ATXN7L1: variants seen among roughly 807,000 people sequenced by gnomAD.
The protein encoded by ATXN7L1 is ataxin-7-like protein 1.
In ATXN7L1, 15 loss-of-function variants were observed where a neutral mutation model predicts 70.8. The observed-to-expected ratio is 0.21, with a 90% CI of 0.14 to 0.33. The LOEUF (loss-of-function observed/expected upper bound fraction) is 0.33. Among genes scored for constraint, ATXN7L1 ranks in the 10% least tolerant of loss-of-function variants. ATXN7L1 has a pLI of 1.00. For missense variants in ATXN7L1, 975 were observed against 1,097.1 expected (o/e 0.89, Z 1.57); for synonymous variants, 440 against 445.1 (o/e 0.99, Z 0.14).
intron 4 of ATXN7L1, among the ~76,000 whole-genome samples, chr7:105,655,623 A>G (rs1584542249): frequency 6.6e-6 from 1 of 152,198 alleles, no homozygotes; most frequent in East Asian, 1.9e-4. Context: ...TCAGGGAGCC[A>G]TCAATCCTGA....
chr7:105,769,406 C>T (rs977999787), intron 3 of ATXN7L1, among the ~76,000 whole-genome samples: 2 of 152,148 alleles, frequency 1.3e-5, no homozygotes, highest in Admixed American at 6.5e-5. Flanking sequence ...TGTCTCTACT[C>T]GTGTTCGTGC....
chr7:105,640,235 G>A (rs1431513105), intron 5 of ATXN7L1, among the ~76,000 whole-genome samples: 1 of 152,218 alleles, frequency 6.6e-6, no homozygotes, highest in Non-Finnish European at 1.5e-5. Flanking sequence ...TGAACTTGAA[G>A]GTGCAGAGAG....
At chr7:105,648,943 C>CCTGGGAGGGGGTGGTGAGTT (rs1313575605) in intron 4 of ATXN7L1, among the ~76,000 whole-genome samples, 2 of 139,534 alleles carry the variant, frequency 1.4e-5, no homozygotes, top group Non-Finnish European at 2.9e-5. Context: ...GGTGGTGAGA[C>CCTGGGAGGGGGTGGTGAGTT]CTGGGAGGGG....
At chr7:105,716,172 A>G (rs1794520861) in intron 3 of ATXN7L1, among the ~76,000 whole-genome samples, 1 of 152,052 alleles carries the variant, frequency 6.6e-6, no homozygotes, top group African/African-American at 2.4e-5. Flanking sequence ...TTTAAGGGAT[A>G]TTTTTCCAAA....
At chr7:105,706,718 G>C (rs938841306) in intron 3 of ATXN7L1, among the ~76,000 whole-genome samples, 2 of 152,222 alleles carry the variant, frequency 1.3e-5, no homozygotes, top group African/African-American at 4.8e-5. Context: ...CAACTCTGTG[G>C]CTTCTAGGTC....
At chr7:105,836,065 C>T (rs957546796) in intron 2 of ATXN7L1, among the ~76,000 whole-genome samples, 10 of 152,162 alleles carry the variant, frequency 6.6e-5, no homozygotes, top group Admixed American at 1.3e-4. Flanking sequence ...GCAGCTGGCA[C>T]GCGCTGCATC....
chr7:105,858,649 G>A (rs1816090833), intron 2 of ATXN7L1, among the ~76,000 whole-genome samples: 1 of 152,098 alleles, frequency 6.6e-6, no homozygotes, highest in African/African-American at 2.4e-5. Flanking sequence ...CTAATAATAG[G>A]GCACCCTGAT....
At chr7:105,744,048 C>T (rs1296067973) in intron 3 of ATXN7L1, among the ~76,000 whole-genome samples, 6 of 152,120 alleles carry the variant, frequency 3.9e-5, no homozygotes, top group Non-Finnish European at 8.8e-5. Context: ...GGTTCAATGC[C>T]CAGTTCTCTC....
At chr7:105,815,099 T>A (rs1808996252) in intron 2 of ATXN7L1, among the ~76,000 whole-genome samples, 5 of 152,218 alleles carry the variant, frequency 3.3e-5, no homozygotes, top group Admixed American at 3.3e-4. Flanking sequence ...AGGGAAAAGA[T>A]GTGAAATCAC....
chr7:105,792,497 G>A (rs1041194473), intron 2 of ATXN7L1, among the ~76,000 whole-genome samples: 1 of 152,158 alleles, frequency 6.6e-6, no homozygotes, highest in Non-Finnish European at 1.5e-5. Flanking sequence ...AGCAGGGAGG[G>A]AGGGCAGGGA....
rs916864672 is a variant in ATXN7L1, at chr7:105,643,860, C to T, written c.579-739G>A. Among the ~76,000 whole-genome samples the T allele has an allele frequency of 2.0e-5, 3 of 152,362 alleles. No homozygotes were observed. In the East Asian group the frequency reaches 5.8e-4, roughly 29 times the overall value. On this transcript the variant is annotated intron_variant, in intron 4 of 11. Coordinates refer to ENST00000419735, the MANE Select transcript of ATXN7L1 (RefSeq NM_020725.2). ...TCTTCAGAATCTGTCACCTTAGCCCCCTTCCCTGCTATTTCTCCTGTATGG... is the reference window on the plus strand; with the variant it reads ...TCTTCAGAATCTGTCACCTTAGCCCTCTTCCCTGCTATTTCTCCTGTATGG...
intron 2 of ATXN7L1, among the ~76,000 whole-genome samples, chr7:105,834,540 C>T (rs1291687603): frequency 6.6e-6 from 1 of 152,128 alleles, no homozygotes; most frequent in East Asian, 1.9e-4. Context: ...AGTTTATGTG[C>T]CCAGAAATGC....
In ATXN7L1 at chr7:105,624,141, C is replaced by T; in HGVS notation, c.1329G>A (p.Met443Ile). ...ASRLSSDEGE[M>I]DGADESEKLD... ...GCTTCTCGGATTCGTCGGCTCCGTC[C>T]ATCTCCCCTTCATCACTGGACAGTC... is the stretch of plus-strand genomic sequence containing the variant. Residue 443 changes from methionine (M) to isoleucine (I), a missense_variant, in exon 8 of 12, where the codon ATG (methionine) becomes ATA (isoleucine). By Grantham distance (10) the Met-to-Ile change is conservative. Around this residue, in one of 5 missense-constraint regions of ATXN7L1, gnomAD observed 635 missense variants for 699.4 expected, o/e 0.91. Coordinates refer to ENST00000419735, the MANE Select transcript of ATXN7L1 (RefSeq NM_020725.2). The T allele has an allele frequency of 6.5e-7, 1 of 1,535,236 alleles. No individual in the cohort carries two copies.
At chr7:105,694,658 G>T (rs1172363087) in intron 3 of ATXN7L1, among the ~76,000 whole-genome samples, 2 of 152,148 alleles carry the variant, frequency 1.3e-5, no homozygotes, top group Non-Finnish European at 2.9e-5. Flanking sequence ...CTTAAAAGGG[G>T]CAGACTTTAT....
chr7:105,875,976 A>T lies in ATXN7L1; in HGVS notation c.182-96T>A, dbSNP rs1209453949. On this transcript the variant is annotated intron_variant, in intron 1 of 11. Coordinates refer to ENST00000419735, the MANE Select transcript of ATXN7L1 (RefSeq NM_020725.2). The stretch of plus-strand genomic sequence containing the variant: ...GGAGGGAGAGTGTTTATTTGCAAAC[A>T]GATCGATATAAATACTGTATATGAA... 8.9e-5 allele frequency: 93 copies of T among 1,040,960 alleles called. No homozygotes were observed. In the East Asian group the frequency reaches 2.1e-3, roughly 23 times the overall value. The allele number at this position is 1,040,960 out of a possible 1,614,324, so 64.5% of individuals were successfully genotyped here.
chr7:105,742,985 A>C (rs1409054111), intron 3 of ATXN7L1, among the ~76,000 whole-genome samples: 5 of 151,984 alleles, frequency 3.3e-5, no homozygotes, highest in Non-Finnish European at 7.4e-5. Context: ...CCCCAGCCAA[A>C]ATCAGGAAGT....
intron 3 of ATXN7L1, among the ~76,000 whole-genome samples, chr7:105,738,262 C>T (rs945966212): frequency 6.6e-6 from 1 of 152,240 alleles, no homozygotes; most frequent in Non-Finnish European, 1.5e-5. Context: ...CTGCTCCCCT[C>T]AGCACTACTG....
In ATXN7L1 at chr7:105,610,493, T is replaced by C. The variant is rs537641599; in HGVS notation, c.2547+36A>G. Reference sequence around the variant, plus strand: ...TCTTTCCACTCTGCTGATGACCATATGAATTTTTGCCCCACCCCCACCCTC... The same window carrying C: ...TCTTTCCACTCTGCTGATGACCATACGAATTTTTGCCCCACCCCCACCCTC... On this transcript the variant is annotated intron_variant, in intron 11 of 11. Coordinates refer to ENST00000419735, the MANE Select transcript of ATXN7L1 (RefSeq NM_020725.2). 4.7e-6 allele frequency: 7 copies of C among 1,496,140 alleles called. No individual in the cohort carries two copies. The South Asian group carries it at 7.3e-5, about 16-fold the overall frequency. 92.7% of individuals were successfully genotyped at this position (1,496,140 alleles called of 1,614,324 possible).
chr7:105,628,054 A>G (rs1031531642), intron 7 of ATXN7L1, among the ~76,000 whole-genome samples: 1 of 151,644 alleles, frequency 6.6e-6, no homozygotes, highest in African/African-American at 2.4e-5. Flanking sequence ...CATCTTGGCC[A>G]GGCTGGTCTT....
Sources: gnomAD v4.1 joint callset for allele counts (sites outside exome capture counted in the v4.1 genomes callset) on GRCh38, gnomAD v4.1.1 for gene constraint, gnomAD v4.1.1 regional missense constraint, MANE v1.5 for transcripts, NCBI Gene and HGNC (gene_info 2026-07-23, HGNC 2026-07-21) for gene names.